Variants in PCDHA3 observed in about 807,000 individuals in gnomAD.
PCDHA3 encodes the protein protocadherin alpha-3.
Under a neutral mutation model 62.2 loss-of-function variants are expected in PCDHA3, and 41 were observed. The observed-to-expected ratio is 0.66, with a 90% CI of 0.51 to 0.86. The LOEUF is 0.86. Ranked by LOEUF, PCDHA3 falls within the 40% of genes least tolerant of loss-of-function variation. PCDHA3 has a pLI of 0.00. For missense variants in PCDHA3, 1,304 were observed against 1,241.2 expected, an observed-to-expected ratio of 1.05 and a Z score of -0.76; for synonymous variants, 640 against 555.4, an observed-to-expected ratio of 1.15 and a Z score of -2.14.
Position 141,010,440 on chromosome 5 carries a change from A to G in PCDHA3, c.*503A>G, listed in dbSNP as rs1279403327. 3 of 984,540 alleles carry G rather than the reference A, an allele frequency of 3.0e-6. No individual in the cohort carries two copies. Among genetic ancestry groups the G allele is most frequent in the Admixed American group, 5.9e-5 (2 of 34,150 alleles). The allele number at this position is 984,540 out of a possible 1,614,324, so 61.0% of individuals were successfully genotyped here. On this transcript the variant is annotated 3_prime_UTR_variant, in exon 4 of 4. Transcript: ENST00000522353. The stretch of plus-strand genomic sequence containing the variant: ...CAAGGAAGGCAAGAAAACAAAGACA[A>G]ATAAACAGCGGAAGTTATCAGTATG...
At chr5:140,870,990 G>A (rs781832962) in intron 1 of PCDHA3, 2 of 1,613,518 alleles carry the variant, frequency 1.2e-6, no homozygotes, top group South Asian at 1.1e-5. Context: ...ACACGGGCGA[G>A]ATAAGCACAA....
chr5:140,968,107 G>A (rs200195064), intron 1 of PCDHA3: 58 of 1,613,992 alleles, frequency 3.6e-5, no homozygotes, highest in African/African-American at 5.3e-5. Context: ...GGGGAATACC[G>A]CAGCTCACAT....
chr5:140,928,105 C>T, intron 1 of PCDHA3: 6 of 1,614,150 alleles, frequency 3.7e-6, no homozygotes, highest in Middle Eastern at 1.6e-4. Flanking sequence ...GCCCCTGGAC[C>T]GGGAGCAGAT....
intron 1 of PCDHA3, chr5:140,854,223 C>A: frequency 1.1e-5 from 7 of 631,586 alleles, no homozygotes; most frequent in Non-Finnish European, 1.2e-5. Flanking sequence ...TGGACATCTA[C>A]ATTGGGATAT....
At chr5:140,858,342 C>T (rs528199752) in intron 1 of PCDHA3, 5 of 1,594,916 alleles carry the variant, frequency 3.1e-6, no homozygotes, top group East Asian at 2.2e-5. Flanking sequence ...CTGCCCAAGG[C>T]GGACCTCATG....
At chr5:140,957,189 G>A (rs1376112973) in intron 1 of PCDHA3, among the ~76,000 whole-genome samples, 1 of 152,056 alleles carries the variant, frequency 6.6e-6, no homozygotes. Context: ...ATTGATGACC[G>A]ATTGGGAATA....
At chr5:140,989,296 G>A (rs1587341853) in intron 3 of PCDHA3, among the ~76,000 whole-genome samples, 1 of 152,128 alleles carries the variant, frequency 6.6e-6, no homozygotes, top group South Asian at 2.1e-4. Context: ...TGTCACAAAG[G>A]GCCAAGGAAG....
chr5:140,997,559 T>C (rs550494855), intron 3 of PCDHA3, among the ~76,000 whole-genome samples: 9 of 152,148 alleles, frequency 5.9e-5, no homozygotes, highest in Non-Finnish European at 1.3e-4. Context: ...ACAGGACAAC[T>C]GTCATATGTG....
Position 141,007,401 on chromosome 5 carries a change from A to G in PCDHA3, c.2543-2226A>G, listed in dbSNP as rs981008239. On this transcript the variant is annotated intron_variant, in intron 3 of 3. Coordinates refer to ENST00000522353, the MANE Select transcript of PCDHA3 (RefSeq NM_018906.3). Reference sequence around the variant, plus strand: ...CACCATCTCTACTAAAATACAAAAAAAAAAAAAAAAAAAAAAATTAGCCAG... The same window carrying G: ...CACCATCTCTACTAAAATACAAAAAGAAAAAAAAAAAAAAAAATTAGCCAG... Among the ~76,000 whole-genome samples the G allele has an allele frequency of 7.4e-4, 110 of 149,582 alleles. 1 individual carries two copies. Among genetic ancestry groups the G allele is most frequent in the Non-Finnish European group, 9.7e-4 (65 of 67,302 alleles).
In PCDHA3 at chr5:140,801,726, T is replaced by C; in HGVS notation, c.529T>C (p.Tyr177His). 1 of 1,611,282 alleles carries C rather than the reference T, an allele frequency of 6.2e-7. No individual in the cohort carries two copies. Among genetic ancestry groups the C allele is most frequent in the Non-Finnish European group, 8.5e-7 (1 of 1,178,294 alleles). The change falls in exon 1 of 4, where the codon TAT becomes CAT. Residue 177 changes from tyrosine to histidine, a missense_variant. Physicochemically the swap from Tyr to His is moderately conservative, Grantham distance 83 (BLOSUM62 2). Transcript: ENST00000522353. ...GACTTACAGTCTTGATTCCACTGAATATTTTACCTTGGACGTTAAAAGAAA... is the reference window on the plus strand; with the variant it reads ...GACTTACAGTCTTGATTCCACTGAACATTTTACCTTGGACGTTAAAAGAAA... ...LLTYSLDSTE[Y>H]FTLDVKRNDE...
chr5:140,929,185 GATA>G (rs1393626283), intron 1 of PCDHA3: 12 of 1,614,168 alleles, frequency 7.4e-6, no homozygotes, highest in Non-Finnish European at 1.0e-5. Flanking sequence ...ACTTGGTTCT[GATA>G]ATAACAGTTT....
chr5:140,824,306 T>C, intron 1 of PCDHA3: 1 of 799,318 alleles, frequency 1.3e-6, no homozygotes, highest in East Asian at 2.5e-5. Context: ...GCTGGGGTAA[T>C]AGATTCATCA....
In PCDHA3 at chr5:140,852,074, T is replaced by A. The variant is rs988130151; in HGVS notation, c.2394+48483T>A. On this transcript the variant is annotated intron_variant, in intron 1 of 3. Coordinates refer to ENST00000522353, the MANE Select transcript of PCDHA3 (RefSeq NM_018906.3). The stretch of plus-strand genomic sequence containing the variant: ...TTTATATTTTTCTTTCTCTTTCAGC[T>A]ATTTTATTTAATATTGTGTCAGATA... The A allele has an allele frequency of 1.4e-4, 130 of 903,068 alleles. 3 individuals carry two copies. Among genetic ancestry groups the A allele is most frequent in the Non-Finnish European group, 1.7e-4 (126 of 741,050 alleles). 55.9% of individuals were successfully genotyped at this position (903,068 alleles called of 1,614,324 possible).
chr5:140,890,726 T>C (rs2062772984), intron 1 of PCDHA3, among the ~76,000 whole-genome samples: 1 of 152,214 alleles, frequency 6.6e-6, no homozygotes. Context: ...TTTAATCCCT[T>C]TTGACTTATA....
intron 3 of PCDHA3, among the ~76,000 whole-genome samples, chr5:140,984,867 TA>T (rs1251384308): frequency 6.6e-6 from 1 of 152,180 alleles, no homozygotes; most frequent in Non-Finnish European, 1.5e-5. Context: ...ACACCTATTT[TA>T]TTGAGTTACC....
At chr5:140,866,703 G>T (rs553518884) in intron 1 of PCDHA3, 45 of 152,224 alleles carry the variant, frequency 3.0e-4, no homozygotes, top group African/African-American at 1.1e-3. Context: ...AGTGGATGAC[G>T]TGCACTAGTA....
At chr5:140,804,916 C>CT in intron 1 of PCDHA3, 2 of 946,482 alleles carry the variant, frequency 2.1e-6, no homozygotes, top group Non-Finnish European at 2.9e-6. Flanking sequence ...TCTTTATTTC[C>CT]TTTTTTGGCA....
At chr5:140,883,940 G>A in intron 1 of PCDHA3, 1 of 1,613,412 alleles carries the variant, frequency 6.2e-7, no homozygotes, top group Non-Finnish European at 8.5e-7. Flanking sequence ...CGTGCTGGAC[G>A]AGAACGACAA....
chr5:141,000,389 CTCTCTCTATATATA>C (rs1429861640), intron 3 of PCDHA3, among the ~76,000 whole-genome samples: 15 of 62,586 alleles, frequency 2.4e-4, no homozygotes, highest in African/African-American at 9.8e-4. Flanking sequence ...CTCTCTCTCT[CTCTCTCTATATATA>C]TATATATATA....
Sources: gnomAD v4.1 joint callset for allele counts (sites outside exome capture counted in the v4.1 genomes callset) on GRCh38, gnomAD v4.1.1 for gene constraint, MANE v1.5 for transcripts, NCBI Gene and HGNC (gene_info 2026-07-23, HGNC 2026-07-21) for gene names.